ZFYVE9: variants seen among roughly 807,000 people sequenced by gnomAD.
ZFYVE9 encodes the protein zinc finger FYVE domain-containing protein 9.
Under a neutral mutation model 126.7 loss-of-function variants are expected in ZFYVE9, and 43 were observed. That is an observed-to-expected ratio of 0.34 (90% CI 0.27 to 0.44). The LOEUF is 0.44. Ranked by LOEUF, ZFYVE9 falls within the 20% of genes least tolerant of loss-of-function variation. The pLI, the probability that ZFYVE9 is intolerant of heterozygous loss-of-function variation, is 1.00. For missense variants in ZFYVE9, 1,476 were observed against 1,697.0 expected, an observed-to-expected ratio of 0.87 and a Z score of 2.29; for synonymous variants, 521 against 597.4, an observed-to-expected ratio of 0.87 and a Z score of 1.87.
chr1:52,208,404 G>A (rs959041876), intron 1 of ZFYVE9, among the ~76,000 whole-genome samples: 5 of 152,008 alleles, frequency 3.3e-5, no homozygotes, highest in African/African-American at 9.7e-5. Context: ...TTCTTTAAAG[G>A]TAAAATATCG....
chr1:52,276,432 T>C (rs527299160), intron 8 of ZFYVE9, among the ~76,000 whole-genome samples: 67 of 152,338 alleles, frequency 4.4e-4, no homozygotes, highest in Middle Eastern at 3.4e-3. Context: ...ACCGTTCCAT[T>C]CTAGCTGTGT....
intron 1 of ZFYVE9, among the ~76,000 whole-genome samples, chr1:52,197,384 A>C (rs992164206): frequency 1.4e-4 from 22 of 152,216 alleles, no homozygotes; most frequent in African/African-American, 4.6e-4. Flanking sequence ...GTAGGCACTT[A>C]GATGTATAGC....
intron 2 of ZFYVE9, among the ~76,000 whole-genome samples, chr1:52,228,325 C>T (rs1243339367): frequency 6.6e-6 from 1 of 152,134 alleles, no homozygotes; most frequent in Non-Finnish European, 1.5e-5. Flanking sequence ...AGCGATCTCA[C>T]ACCTTGGCCT....
At chr1:52,228,795 G>A (rs1377482670) in intron 2 of ZFYVE9, among the ~76,000 whole-genome samples, 1 of 152,142 alleles carries the variant, frequency 6.6e-6, no homozygotes, top group Non-Finnish European at 1.5e-5. Context: ...TATGCTGTGT[G>A]TGTGTATATG....
chr1:52,280,243 G>A (rs1645788745), intron 9 of ZFYVE9, among the ~76,000 whole-genome samples: 1 of 151,208 alleles, frequency 6.6e-6, no homozygotes, highest in Non-Finnish European at 1.5e-5. Flanking sequence ...AATTGGGCAT[G>A]GTGACATGCT....
chr1:52,341,214 C>A (rs1160390856), intron 17 of ZFYVE9, among the ~76,000 whole-genome samples: 1 of 152,236 alleles, frequency 6.6e-6, no homozygotes, highest in African/African-American at 2.4e-5. Flanking sequence ...GAGCGAAACT[C>A]CGTCTCCAAA....
At chr1:52,309,499 A>G (rs1006097743) in intron 13 of ZFYVE9, among the ~76,000 whole-genome samples, 5 of 152,092 alleles carry the variant, frequency 3.3e-5, no homozygotes, top group Non-Finnish European at 5.9e-5. Context: ...ACAAAAGCAA[A>G]AAAGGGCAGA....
intron 9 of ZFYVE9, 48 bp downstream of exon 9, chr1:52,278,662 A>T: frequency 7.8e-7 from 1 of 1,286,388 alleles, no homozygotes; most frequent in South Asian, 1.5e-5. Context: ...TTACTGACTC[A>T]TAGTACATAA....
intron 13 of ZFYVE9, among the ~76,000 whole-genome samples, chr1:52,328,024 G>A (rs1281959721): frequency 6.6e-6 from 1 of 151,944 alleles, no homozygotes; most frequent in South Asian, 2.1e-4. Context: ...CAAAGCCTCA[G>A]GGATGGGAAA....
chr1:52,245,803 C>T (rs925997136), intron 4 of ZFYVE9, among the ~76,000 whole-genome samples: 1 of 152,168 alleles, frequency 6.6e-6, no homozygotes, highest in African/African-American at 2.4e-5. Context: ...GTCTTGCTAG[C>T]TGTATAACTC....
intron 10 of ZFYVE9, among the ~76,000 whole-genome samples, chr1:52,290,755 A>G (rs2147826853): frequency 6.6e-6 from 1 of 152,262 alleles, no homozygotes; most frequent in African/African-American, 2.4e-5. Context: ...CCCCCCAAAA[A>G]TCATATATTT....
chr1:52,159,126 T>A (rs112742925), intron 1 of ZFYVE9, among the ~76,000 whole-genome samples: 5,028 of 152,260 alleles, frequency 0.033, 127 homozygotes, highest in Non-Finnish European at 0.049. Flanking sequence ...TTCCCAAATA[T>A]CTGAATCTTT....
intron 10 of ZFYVE9, among the ~76,000 whole-genome samples, chr1:52,290,250 T>C (rs1244182569): frequency 6.6e-6 from 1 of 152,214 alleles, no homozygotes; most frequent in African/African-American, 2.4e-5. Flanking sequence ...AGAATGTGCA[T>C]GTGCGTGAGG....
intron 4 of ZFYVE9, among the ~76,000 whole-genome samples, chr1:52,257,654 A>G (rs1054832752): frequency 6.6e-6 from 1 of 152,234 alleles, no homozygotes; most frequent in African/African-American, 2.4e-5. Flanking sequence ...TATTTTCTGA[A>G]TTTGGATATG....
intron 18 of ZFYVE9, chr1:52,345,846 G>C (rs1646478180): frequency 9.4e-6 from 4 of 424,374 alleles, no homozygotes; most frequent in Admixed American, 7.8e-5. Context: ...AGGTTAAGTG[G>C]CTTACCCAGT....
intron 12 of ZFYVE9, among the ~76,000 whole-genome samples, chr1:52,299,450 G>A (rs903560368): frequency 2.6e-5 from 4 of 152,218 alleles, no homozygotes; most frequent in Non-Finnish European, 5.9e-5. Context: ...GAATAGAAAG[G>A]ATTAAAATGG....
chr1:52,206,111 T>A (rs1332515501), intron 1 of ZFYVE9, among the ~76,000 whole-genome samples: 1 of 151,970 alleles, frequency 6.6e-6, no homozygotes, highest in Non-Finnish European at 1.5e-5. Flanking sequence ...GAAAAAAAAA[T>A]AACAGTTATA....
intron 13 of ZFYVE9, among the ~76,000 whole-genome samples, chr1:52,304,931 G>A (rs1003255285): frequency 2.0e-5 from 3 of 152,076 alleles, no homozygotes; most frequent in African/African-American, 7.2e-5. Flanking sequence ...ACTAGGTAGA[G>A]TCAAATCTTT....
At chr1:52,246,286 A>G (rs991919847) in intron 4 of ZFYVE9, among the ~76,000 whole-genome samples, 1 of 152,208 alleles carries the variant, frequency 6.6e-6, no homozygotes, top group Non-Finnish European at 1.5e-5. Flanking sequence ...AAGAAAGATG[A>G]AAAATATCTA....
Sources: gnomAD v4.1 joint callset for allele counts (sites outside exome capture counted in the v4.1 genomes callset) on GRCh38, gnomAD v4.1.1 for gene constraint, MANE v1.5 for transcripts, NCBI Gene and HGNC (gene_info 2026-07-23, HGNC 2026-07-21) for gene names.